The following CMC1 variants were observed in gnomAD, a reference collection of about 807,000 sequenced individuals.
The protein encoded by CMC1 is C-X9-C motif containing 1, also known as COX assembly mitochondrial protein homolog.
A neutral mutation model predicts 14.1 loss-of-function variants in CMC1; 14 were observed. That is an observed-to-expected ratio of 0.99 (90% confidence interval 0.66 to 1.55). The LOEUF is 1.55. Among genes scored for constraint, CMC1 ranks in the 40% most tolerant of loss-of-function variants. The pLI, the probability that CMC1 is intolerant of heterozygous loss-of-function variation, is 0.00. For missense variants in CMC1, 127 were observed against 123.8 expected (o/e 1.03, Z -0.12); for synonymous variants, 50 against 38.4 (o/e 1.30, Z -1.12).
In CMC1 at chr3:28,322,503, A is replaced by G. The variant is rs958815095; in HGVS notation, c.*2874A>G. 5 of 151,698 alleles carry G rather than the reference A, an allele frequency of 3.3e-5. No homozygotes were observed. Among genetic ancestry groups the G allele is most frequent in the East Asian group, 1.9e-4 (1 of 5,160 alleles). 9.4% of individuals were successfully genotyped at this position (151,698 alleles called of 1,614,324 possible). On this transcript the variant is annotated 3_prime_UTR_variant, in exon 4 of 4. Coordinates refer to ENST00000466830, the MANE Select transcript of CMC1 (RefSeq NM_182523.2). ...TAAAAAAGGCAAACCAGTAAGCTAC[A>G]TTAGAGATCAGATATAATATACAGC...
chr3:28,263,308 G>A lies in CMC1; in HGVS notation c.37G>A (p.Val13Ile), dbSNP rs1323655071. Residue 13 changes from valine to isoleucine, a missense_variant, in exon 2 of 4, where the codon GTC becomes ATC. Transcript: ENST00000466830. The part of the protein sequence containing the change: ...LDPADQHLRH[V>I]EKDVLIPKIM... ...TTTTTCAGACCAGCATCTCAGACATGTCGAAAAAGATGTTTTGATCCCTAA... is the reference window on the plus strand; with the variant it reads ...TTTTTCAGACCAGCATCTCAGACATATCGAAAAAGATGTTTTGATCCCTAA... 4 of 1,605,236 alleles carry A rather than the reference G, an allele frequency of 2.5e-6. No homozygotes were observed. The highest frequency in any genetic ancestry group is 2.7e-5 in the African/African-American group (2 of 74,328).
chr3:28,244,248 T>C (rs923141150), intron 1 of CMC1, among the ~76,000 whole-genome samples: 2 of 152,148 alleles, frequency 1.3e-5, no homozygotes, highest in African/African-American at 4.8e-5. Context: ...AGTGGTAGCA[T>C]GCATTGTAGA....
chr3:28,324,167 G>C lies in CMC1; in HGVS notation c.*4538G>C. On this transcript the variant is annotated 3_prime_UTR_variant, in exon 4 of 4. Coordinates refer to ENST00000466830, the MANE Select transcript of CMC1 (RefSeq NM_182523.2). ...GTCTCACTTGATTTAGGAGGACTTG[G>C]AAATACCCAGGAATTGTCTTCCAGA... The C allele has an allele frequency of 6.2e-7, 1 of 1,610,662 alleles. No homozygotes were observed. Among genetic ancestry groups the C allele is most frequent in the Non-Finnish European group, 8.5e-7 (1 of 1,177,632 alleles).
chr3:28,302,102 C>T (rs567669089), intron 2 of CMC1, among the ~76,000 whole-genome samples: 1 of 152,122 alleles, frequency 6.6e-6, no homozygotes, highest in Non-Finnish European at 1.5e-5. Flanking sequence ...TGTCCAGGGC[C>T]CTCGATAAGT....
At chr3:28,258,292 G>A (rs962968038) in intron 1 of CMC1, among the ~76,000 whole-genome samples, 1 of 151,324 alleles carries the variant, frequency 6.6e-6, no homozygotes, top group Non-Finnish European at 1.5e-5. Flanking sequence ...ATAAACAAAT[G>A]ATTTCATATT....
chr3:28,257,372 T>C (rs758696830), intron 1 of CMC1, among the ~76,000 whole-genome samples: 1 of 152,218 alleles, frequency 6.6e-6, no homozygotes, highest in Non-Finnish European at 1.5e-5. Flanking sequence ...TCAAATGTTT[T>C]TGAGATTCAC....
At chr3:28,292,829 CTGAT>C (rs1159766157) in intron 2 of CMC1, 1 of 152,170 alleles carries the variant, frequency 6.6e-6, no homozygotes, top group Non-Finnish European at 1.5e-5. Context: ...GATTGCGACA[CTGAT>C]AATTAAGATT....
chr3:28,294,900 G>T (rs932939652), intron 2 of CMC1, among the ~76,000 whole-genome samples: 1 of 151,880 alleles, frequency 6.6e-6, no homozygotes, highest in Admixed American at 6.6e-5. Flanking sequence ...TCAGGCTTTG[G>T]GTATTAACTG....
At chr3:28,316,241 CT>C (rs1233587804) in intron 2 of CMC1, 91 bp from the exon 3 acceptor site, 12,095 of 504,640 alleles carry the variant, frequency 0.024, no homozygotes, top group South Asian at 0.037. Context: ...GACAGGCTTT[CT>C]TTTTTTTTTT....
chr3:28,255,593 A>G (rs1288317415), intron 1 of CMC1, among the ~76,000 whole-genome samples: 1 of 152,080 alleles, frequency 6.6e-6, no homozygotes, highest in Non-Finnish European at 1.5e-5. Flanking sequence ...GAATGTGTAA[A>G]TAAATGATAC....
At chr3:28,245,593 GT>G (rs1269528074) in intron 1 of CMC1, among the ~76,000 whole-genome samples, 1 of 152,200 alleles carries the variant, frequency 6.6e-6, no homozygotes, top group Admixed American at 6.5e-5. Flanking sequence ...TTCTATTGCT[GT>G]TTTTTTCCGG....
At position 28,266,203 on chromosome 3, in the gene CMC1, A is replaced by C. The variant is rs566355473; in HGVS notation, c.109+2823A>C. On this transcript the variant is annotated intron_variant, in intron 2 of 3. Transcript: ENST00000466830. ...GAGTTGCATATTTCACCTAATGTTT[A>C]AATACAGTTAAAATTTGTCTTAAGC... Among the ~76,000 whole-genome samples, 15 of 152,290 alleles carry C rather than the reference A, an allele frequency of 9.8e-5. No individual in the cohort carries two copies. The East Asian group carries it at 2.9e-3, about 29-fold the overall frequency.
chr3:28,272,978 C>A (rs1434243675), intron 2 of CMC1, among the ~76,000 whole-genome samples: 2 of 152,174 alleles, frequency 1.3e-5, no homozygotes, highest in Non-Finnish European at 2.9e-5. Context: ...AGCCACCACG[C>A]CCAGCCTTCT....
chr3:28,248,143 A>G (rs902932049), intron 1 of CMC1, among the ~76,000 whole-genome samples: 6 of 152,212 alleles, frequency 3.9e-5, no homozygotes, highest in Admixed American at 1.3e-4. Flanking sequence ...TTATTCAGAT[A>G]TGATGCGCCT....
At position 28,320,636 on chromosome 3, in the gene CMC1, A is replaced by T. The variant is rs901930599; in HGVS notation, c.*1007A>T. On this transcript the variant is annotated 3_prime_UTR_variant, in exon 4 of 4. Transcript: ENST00000466830. ...ACTTATATGAATTAATTTTACTTAC[A>T]TCTTTGATGTAGAATTTTCTAAAAC... 1 of 142,950 alleles carries T rather than the reference A, an allele frequency of 7.0e-6. No homozygotes were observed. The highest frequency in any genetic ancestry group is 7.2e-5 in the Admixed American group (1 of 13,810). 8.9% of individuals were successfully genotyped at this position (142,950 alleles called of 1,614,324 possible).
At chr3:28,295,779 G>A (rs1157908073) in intron 2 of CMC1, among the ~76,000 whole-genome samples, 2 of 152,058 alleles carry the variant, frequency 1.3e-5, no homozygotes, top group Non-Finnish European at 2.9e-5. Context: ...GTTACAGGAT[G>A]CCCGTCCTTC....
Position 28,322,079 on chromosome 3 carries a change from G to A in CMC1, c.*2450G>A, listed in dbSNP as rs1321904117. The A allele has an allele frequency of 6.6e-6, 1 of 151,248 alleles. No homozygotes were observed. Among genetic ancestry groups the A allele is most frequent in the African/African-American group, 2.4e-5 (1 of 41,328 alleles). The allele number at this position is 151,248 out of a possible 1,614,324, so 9.4% of individuals were successfully genotyped here. On this transcript the variant is annotated 3_prime_UTR_variant, in exon 4 of 4. Transcript: ENST00000466830. ...ACCTAGAACAGAGATATCAAGTGTAGATTTAAAAGCTTCTAGCTGGGTAAA... is the reference window on the plus strand; with the variant it reads ...ACCTAGAACAGAGATATCAAGTGTAAATTTAAAAGCTTCTAGCTGGGTAAA...
chr3:28,298,128 C>G (rs1332570556), intron 2 of CMC1: 1 of 151,394 alleles, frequency 6.6e-6, no homozygotes, highest in Non-Finnish European at 1.5e-5. Flanking sequence ...CTACAGGACT[C>G]TACCTGTAGA....
In CMC1 at chr3:28,241,619, A is replaced by G. The variant is rs1443849679; in HGVS notation, c.-175A>G. The G allele has an allele frequency of 8.1e-6, 10 of 1,231,468 alleles. No individual in the cohort carries two copies. Among genetic ancestry groups the G allele is most frequent in the Non-Finnish European group, 1.0e-5 (10 of 987,522 alleles). The allele number at this position is 1,231,468 out of a possible 1,614,324, so 76.3% of individuals were successfully genotyped here. ...AGGCGCAACGGGCGGCGGAAGTAGG[A>G]GCCTGGGAAGGAAGAGGGAACGGGT... On this transcript the variant is annotated 5_prime_UTR_variant, in exon 1 of 4. Transcript: ENST00000466830.
Sources: gnomAD v4.1 joint callset for allele counts (sites outside exome capture counted in the v4.1 genomes callset) on GRCh38, gnomAD v4.1.1 for gene constraint, MANE v1.5 for transcripts, NCBI Gene and HGNC (gene_info 2026-07-23, HGNC 2026-07-21) for gene names.